The following R3HDM2 variants were observed in gnomAD, a reference collection of about 807,000 sequenced individuals.
R3HDM2 encodes R3H domain-containing protein 2.
A neutral mutation model predicts 124.5 loss-of-function variants in R3HDM2; 38 were observed. The ratio of observed to expected loss-of-function variants is 0.31; its 90% CI spans 0.24 to 0.40. R3HDM2 has a LOEUF of 0.40. Among genes scored for constraint, R3HDM2 ranks in the 10% least tolerant of loss-of-function variants. The pLI, the probability that R3HDM2 is intolerant of heterozygous loss-of-function variation, is 1.00. For missense variants in R3HDM2, 869 were observed against 1,236.9 expected, an observed-to-expected ratio of 0.70 and a Z score of 4.46; for synonymous variants, 391 against 448.0, an observed-to-expected ratio of 0.87 and a Z score of 1.61.
In R3HDM2 at chr12:57,284,018, C is replaced by T. The variant is rs778566444; in HGVS notation, c.977G>A (p.Arg326His). Residue 326 changes from arginine (R) to histidine (H), a missense_variant, in exon 13 of 24, where the codon CGC becomes CAC. Arg to His is a conservative substitution (Grantham distance 29). Around this residue, in one of 2 missense-constraint regions of R3HDM2, gnomAD observed 267 missense variants for 447.7 expected, o/e 0.60. Transcript: ENST00000402412. ...REGLSRTSSS[R>H]QSSTDSELKS... ...GAGTTCGCTGTCTGTGCTGCTCTGG[C>T]GGCTGCTTGAGGTGCGGCTCAGTCC... 16 of 1,612,338 alleles carry T rather than the reference C, an allele frequency of 9.9e-6. No individual in the cohort carries two copies. In the Middle Eastern group the frequency reaches 4.9e-4, roughly 50 times the overall value.
chr12:57,402,417 C>G (rs905216778), intron 1 of R3HDM2, among the ~76,000 whole-genome samples: 2 of 152,120 alleles, frequency 1.3e-5, no homozygotes, highest in African/African-American at 2.4e-5. Context: ...GACGCCATTT[C>G]AGCTCATTGC....
intron 2 of R3HDM2, among the ~76,000 whole-genome samples, chr12:57,339,928 A>G (rs2059355701): frequency 6.6e-6 from 1 of 152,174 alleles, no homozygotes; most frequent in African/African-American, 2.4e-5. Context: ...TTCTTCCAAA[A>G]ACAAAAAACA....
At chr12:57,265,763 A>C (rs1213973052) in intron 19 of R3HDM2, among the ~76,000 whole-genome samples, 1 of 150,054 alleles carries the variant, frequency 6.7e-6, no homozygotes, top group African/African-American at 2.5e-5. Flanking sequence ...ACTCCTGAGC[A>C]GCTGTTACTA....
At chr12:57,319,395 CTG>C (rs1212846144) in intron 2 of R3HDM2, among the ~76,000 whole-genome samples, 2 of 152,130 alleles carry the variant, frequency 1.3e-5, no homozygotes, top group East Asian at 1.9e-4. Flanking sequence ...TCATTAGTAA[CTG>C]TGAAAAATGT....
At chr12:57,430,489 G>A in intron 1 of R3HDM2, 2 of 790,574 alleles carry the variant, frequency 2.5e-6, no homozygotes, top group Non-Finnish European at 3.1e-6. Flanking sequence ...CCACCCCCCT[G>A]CCCCCGCACC....
At chr12:57,427,046 A>G (rs1174524095) in intron 1 of R3HDM2, among the ~76,000 whole-genome samples, 1 of 152,220 alleles carries the variant, frequency 6.6e-6, no homozygotes, top group Non-Finnish European at 1.5e-5. Context: ...CAATCCCAGC[A>G]CTTTGGGAGG....
chr12:57,316,676 C>T (rs371980521), intron 2 of R3HDM2, among the ~76,000 whole-genome samples: 3 of 151,072 alleles, frequency 2.0e-5, no homozygotes, highest in South Asian at 4.2e-4. Flanking sequence ...ACCTCCACCT[C>T]CCAGGTTCAA....
chr12:57,256,201 T>C, intron 22 of R3HDM2, 127 bp from the exon 23 acceptor site: 1 of 1,027,612 alleles, frequency 9.7e-7, no homozygotes. Context: ...GGCAGTCAGG[T>C]TGGCCATGGA....
intron 14 of R3HDM2, among the ~76,000 whole-genome samples, chr12:57,274,199 AT>A (rs1289154073): frequency 6.6e-6 from 1 of 152,086 alleles, no homozygotes; most frequent in African/African-American, 2.4e-5. Flanking sequence ...TTAAAAAAAA[AT>A]GGCTGCCTGC....
intron 2 of R3HDM2, among the ~76,000 whole-genome samples, chr12:57,360,049 T>TATATATATATA (rs2061739660): frequency 1.9e-5 from 1 of 52,712 alleles, no homozygotes; most frequent in Non-Finnish European, 3.8e-5. Context: ...ATATATATAT[T>TATATATATATA]TTTTTTTTTT....
intron 2 of R3HDM2, among the ~76,000 whole-genome samples, chr12:57,374,970 TG>T (rs1211438244): frequency 6.6e-6 from 1 of 150,806 alleles, no homozygotes; most frequent in Non-Finnish European, 1.5e-5. Context: ...CACTCCAGCC[TG>T]GGTGACAGAG....
At chr12:57,342,256 C>T (rs954067610) in intron 2 of R3HDM2, among the ~76,000 whole-genome samples, 2 of 152,116 alleles carry the variant, frequency 1.3e-5, no homozygotes, top group Admixed American at 6.6e-5. Context: ...GGAATTTTGC[C>T]GGAAGAAATT....
chr12:57,407,196 G>A (rs1319580051), intron 1 of R3HDM2, among the ~76,000 whole-genome samples: 1 of 150,684 alleles, frequency 6.6e-6, no homozygotes, highest in Admixed American at 6.6e-5. Context: ...GTTGCAGTGA[G>A]CCAAGATCTC....
At chr12:57,367,672 C>T (rs1001572496) in intron 2 of R3HDM2, among the ~76,000 whole-genome samples, 1 of 152,196 alleles carries the variant, frequency 6.6e-6, no homozygotes, top group Non-Finnish European at 1.5e-5. Context: ...TCAGGAATCA[C>T]TGTTCTATGC....
chr12:57,346,880 G>A (rs915266308), intron 2 of R3HDM2, among the ~76,000 whole-genome samples: 3 of 152,128 alleles, frequency 2.0e-5, no homozygotes, highest in Non-Finnish European at 2.9e-5. Context: ...AGAGGGATAC[G>A]AAAGAAACCT....
At chr12:57,390,718 A>G (rs975339545) in intron 2 of R3HDM2, among the ~76,000 whole-genome samples, 1 of 151,910 alleles carries the variant, frequency 6.6e-6, no homozygotes, top group African/African-American at 2.4e-5. Flanking sequence ...AGAAAGAAAT[A>G]TGTAATTACC....
At position 57,380,153 on chromosome 12, in the gene R3HDM2, T is replaced by C. The variant is rs992215762; in HGVS notation, c.-36+15596A>G. On this transcript the variant is annotated intron_variant, in intron 2 of 23. Coordinates refer to ENST00000402412, the MANE Select transcript of R3HDM2 (RefSeq NM_001394031.1). ...AACGAAACCTTTCTTCCTGTTTCTC[T>C]TGAGTCTTGAATAATTCAATCCTAT... is the stretch of plus-strand genomic sequence containing the variant. Among the ~76,000 whole-genome samples, 6 of 152,326 alleles carry C rather than the reference T, an allele frequency of 3.9e-5. No individual in the cohort carries two copies. The East Asian group carries it at 1.2e-3, about 29-fold the overall frequency.
chr12:57,430,434 G>T, intron 1 of R3HDM2: 1 of 802,616 alleles, frequency 1.2e-6, no homozygotes, highest in Non-Finnish European at 1.5e-6. Context: ...AGCACTGGAA[G>T]GGCGCAATAG....
At chr12:57,430,071 T>A (rs1450705484) in intron 1 of R3HDM2, among the ~76,000 whole-genome samples, 1 of 152,196 alleles carries the variant, frequency 6.6e-6, no homozygotes, top group Non-Finnish European at 1.5e-5. Flanking sequence ...TTAACGCAGT[T>A]CTGGGATTGT....
Sources: gnomAD v4.1 joint callset for allele counts (sites outside exome capture counted in the v4.1 genomes callset) on GRCh38, gnomAD v4.1.1 for gene constraint, gnomAD v4.1.1 regional missense constraint, MANE v1.5 for transcripts, NCBI Gene and HGNC (gene_info 2026-07-23, HGNC 2026-07-21) for gene names.